Variants in UNC13B observed in about 807,000 individuals in gnomAD.
The protein encoded by UNC13B is unc-13 homolog B.
A neutral mutation model predicts 211.0 loss-of-function variants in UNC13B; 144 were observed. The observed-to-expected ratio is 0.68, with a 90% CI of 0.60 to 0.78. UNC13B has a LOEUF of 0.78. Ranked by LOEUF, UNC13B falls within the 30% of genes least tolerant of loss-of-function variation. UNC13B has a pLI of 0.00. For missense variants in UNC13B, 1,777 were observed against 2,002.0 expected (o/e 0.89, Z 2.14); for synonymous variants, 709 against 725.8 (o/e 0.98, Z 0.37).
intron 1 of UNC13B, among the ~76,000 whole-genome samples, chr9:35,224,190 G>A (rs974096557): frequency 6.6e-6 from 1 of 152,100 alleles, no homozygotes; most frequent in Non-Finnish European, 1.5e-5. Context: ...CTGATGAATA[G>A]CATTGGTATT....
chr9:35,282,136 G>C (rs1054641736), intron 7 of UNC13B, among the ~76,000 whole-genome samples: 22 of 152,246 alleles, frequency 1.4e-4, no homozygotes, highest in African/African-American at 5.3e-4. Flanking sequence ...CTTTTTAATG[G>C]TAGAATATAA....
chr9:35,383,017 A>G (rs1222948107), intron 21 of UNC13B, among the ~76,000 whole-genome samples: 1 of 152,222 alleles, frequency 6.6e-6, no homozygotes, highest in Non-Finnish European at 1.5e-5. Flanking sequence ...AAAGAAGAGA[A>G]GGTGGTTGGG....
Position 35,380,554 on chromosome 9 carries a change from A to G in UNC13B, c.10290A>G (p.Leu3430=), listed in dbSNP as rs766286841. The change falls in exon 18 of 40, where the codon CTA becomes CTG. Residue 3430 remains leucine (L), a synonymous_variant. Transcript: ENST00000635942. ...TCAAGTCAAGAGTAAAGCAACGCCT[A>G]AAGCGAGAGTCTGATGATTTCCTTG... ...DDIKSRVKQR[L]KRESDDFLGQ... is the part of the protein sequence containing the mutation. 4 of 1,614,130 alleles carry G rather than the reference A, an allele frequency of 2.5e-6. No homozygotes were observed. Among genetic ancestry groups the G allele is most frequent in the Admixed American group, 1.7e-5 (1 of 60,010 alleles).
intron 28 of UNC13B, 82 bp downstream of exon 28, chr9:35,397,019 C>T: frequency 6.2e-7 from 1 of 1,603,630 alleles, no homozygotes; most frequent in East Asian, 2.2e-5. Context: ...TGGGCTTTGG[C>T]CAGGATGGCT....
At chr9:35,270,459 T>C (rs568808982) in intron 7 of UNC13B, among the ~76,000 whole-genome samples, 2 of 152,292 alleles carry the variant, frequency 1.3e-5, no homozygotes, top group East Asian at 1.9e-4. Context: ...AGTGAGAACC[T>C]CTGTTCCCAA....
chr9:35,351,408 G>T (rs957378211), intron 11 of UNC13B: 1 of 1,230,054 alleles, frequency 8.1e-7, no homozygotes, highest in Non-Finnish European at 1.0e-6. Context: ...AGCAATAATT[G>T]CTAGAAACAA....
Position 35,307,513 on chromosome 9 carries a change from T to C in UNC13B, c.8109T>C (p.Asp2703=), listed in dbSNP as rs1348598324. The C allele has an allele frequency of 2.5e-6, 1 of 398,954 alleles. No homozygotes were observed. Among genetic ancestry groups the C allele is most frequent in the Non-Finnish European group, 4.4e-6 (1 of 226,108 alleles). The allele number at this position is 398,954 out of a possible 1,614,324, so 24.7% of individuals were successfully genotyped here. A position where few individuals can be genotyped will look rare whatever the true frequency, so the allele number is the denominator to read the frequency against. ...ELHPASSLET[D]TMLFNDASVS... is the part of the protein sequence containing the mutation. ...ATCCAGCCAGTTCACTAGAAACTGA[T>C]ACTATGCTGTTCAATGATGCAAGTG... Residue 2703 remains aspartate, a synonymous_variant, in exon 9 of 40, where the codon GAT becomes GAC. Coordinates refer to ENST00000635942, the MANE Select transcript of UNC13B (RefSeq NM_001371189.2).
chr9:35,353,316 G>A, intron 11 of UNC13B: 3 of 1,232,234 alleles, frequency 2.4e-6, no homozygotes, highest in Non-Finnish European at 3.0e-6. Context: ...GCTCTGCAGG[G>A]TGTGTTTCAG....
chr9:35,384,328 C>G lies in UNC13B; in HGVS notation c.10875+14C>G. On this transcript the variant is annotated intron_variant, in intron 22 of 39. Coordinates refer to ENST00000635942, the MANE Select transcript of UNC13B (RefSeq NM_001371189.2). The stretch of plus-strand genomic sequence containing the variant: ...TCTACATACAGGGTGAGTGAAGACA[C>G]GGCTGTGGGCAGGATAATAGATATC... 3.1e-6 allele frequency: 5 copies of G among 1,612,874 alleles called. No homozygotes were observed. The highest frequency in any genetic ancestry group is 1.1e-5 in the South Asian group (1 of 90,950).
chr9:35,308,634 C>G (rs1226084419), intron 9 of UNC13B, among the ~76,000 whole-genome samples: 2 of 152,198 alleles, frequency 1.3e-5, no homozygotes, highest in African/African-American at 4.8e-5. Flanking sequence ...TTTACTGGAA[C>G]AAGGAGCTTC....
At chr9:35,244,054 T>C (rs1825951154) in intron 6 of UNC13B, among the ~76,000 whole-genome samples, 1 of 152,162 alleles carries the variant, frequency 6.6e-6, no homozygotes, top group African/African-American at 2.4e-5. Flanking sequence ...AATATATTAG[T>C]AACAATTGAA....
chr9:35,258,188 G>A (rs1025959235), intron 6 of UNC13B, among the ~76,000 whole-genome samples: 4 of 152,172 alleles, frequency 2.6e-5, no homozygotes, highest in African/African-American at 9.7e-5. Context: ...ACGTCAGGAT[G>A]AGAACTCCAA....
chr9:35,230,423 A>G (rs1287160918), intron 2 of UNC13B, among the ~76,000 whole-genome samples: 1 of 148,474 alleles, frequency 6.7e-6, no homozygotes, highest in African/African-American at 2.5e-5. Flanking sequence ...GTGAGCCAAG[A>G]TCATGCCACT....
At position 35,398,011 on chromosome 9, in the gene UNC13B, C is replaced by A. The variant is rs549612563; in HGVS notation, c.11755-200C>A. On this transcript the variant is annotated intron_variant, in intron 30 of 39. Transcript: ENST00000635942. Reference sequence around the variant, plus strand: ...GGATAATACATTAATACTTGAGTACCTACCACCCAGCTTAAAAATGAAAAC... The same window carrying A: ...GGATAATACATTAATACTTGAGTACATACCACCCAGCTTAAAAATGAAAAC... Among the ~76,000 whole-genome samples the A allele has an allele frequency of 2.0e-5, 3 of 152,126 alleles. No homozygotes were observed. In the South Asian group the frequency reaches 6.2e-4, roughly 32 times the overall value.
chr9:35,234,745 C>G (rs1412727473), intron 3 of UNC13B, among the ~76,000 whole-genome samples: 1 of 152,142 alleles, frequency 6.6e-6, no homozygotes, highest in Non-Finnish European at 1.5e-5. Flanking sequence ...TCAGTACATT[C>G]TATGCTGTAT....
intron 15 of UNC13B, 96 bp downstream of exon 15, chr9:35,376,343 C>G (rs1312770240): frequency 2.4e-6 from 3 of 1,229,014 alleles, no homozygotes; most frequent in Middle Eastern, 2.7e-4. Context: ...ACCAATCATT[C>G]CCCCAGTCCA....
chr9:35,164,804 T>C (rs1820948420), intron 1 of UNC13B, among the ~76,000 whole-genome samples: 1 of 152,260 alleles, frequency 6.6e-6, no homozygotes, highest in African/African-American at 2.4e-5. Context: ...TGTTGAAAAC[T>C]TCTTCAGGTC....
intron 11 of UNC13B, 76 bp downstream of exon 11, chr9:35,314,065 A>G: frequency 8.7e-7 from 1 of 1,145,142 alleles, no homozygotes; most frequent in African/African-American, 1.5e-5. Context: ...TGGAGAAGCA[A>G]TCAGTGATTA....
At chr9:35,185,977 G>C (rs1268728459) in intron 1 of UNC13B, among the ~76,000 whole-genome samples, 1 of 151,218 alleles carries the variant, frequency 6.6e-6, no homozygotes, top group Non-Finnish European at 1.5e-5. Context: ...AAGCCCTCCA[G>C]CTGGCTGAAT....
Sources: allele counts gnomAD v4.1 joint callset (sites outside exome capture counted in the v4.1 genomes callset), GRCh38; gene constraint gnomAD v4.1.1; transcripts MANE v1.5; gene names NCBI Gene and HGNC (gene_info 2026-07-23, HGNC 2026-07-21).